The following CCSER1 variants were observed in gnomAD, a reference collection of about 807,000 sequenced individuals.
CCSER1 encodes serine-rich coiled-coil domain-containing protein 1.
In CCSER1, 41 loss-of-function variants were observed where a neutral mutation model predicts 82.0. That is an observed-to-expected ratio of 0.50 (90% confidence interval 0.39 to 0.65). CCSER1 has a LOEUF of 0.65. CCSER1 is among the 30% of genes least tolerant of loss of function. The pLI, the probability that CCSER1 is intolerant of heterozygous loss-of-function variation, is 0.00. For missense variants in CCSER1, 1,119 were observed against 1,064.2 expected (o/e 1.05, Z -0.72); for synonymous variants, 414 against 383.9 (o/e 1.08, Z -0.92).
intron 1 of CCSER1, among the ~76,000 whole-genome samples, chr4:90,284,494 ATT>A (rs34170994): frequency 1.3e-3 from 183 of 137,290 alleles, no homozygotes; most frequent in South Asian, 1.7e-3. Context: ...CTTTGAATTG[ATT>A]TTTTTTTTTT....
intron 9 of CCSER1, among the ~76,000 whole-genome samples, chr4:91,061,194 G>A (rs1205621661): frequency 6.6e-6 from 1 of 151,412 alleles, no homozygotes; most frequent in Non-Finnish European, 1.5e-5. Flanking sequence ...ATATCCTTAG[G>A]GATCATATAG....
intron 6 of CCSER1, among the ~76,000 whole-genome samples, chr4:90,716,214 A>G (rs1047173467): frequency 7.9e-5 from 12 of 152,084 alleles, no homozygotes; most frequent in Non-Finnish European, 1.5e-4. Context: ...GGTAAAAGAA[A>G]GACATTATTT....
chr4:91,561,004 T>C (rs566495783), intron 10 of CCSER1, among the ~76,000 whole-genome samples: 9 of 151,370 alleles, frequency 5.9e-5, no homozygotes, highest in African/African-American at 2.2e-4. Context: ...AGTAAAACTA[T>C]ATGAAAAACC....
At chr4:91,270,640 A>G (rs1383685276) in intron 10 of CCSER1, among the ~76,000 whole-genome samples, 1 of 152,160 alleles carries the variant, frequency 6.6e-6, no homozygotes, top group African/African-American at 2.4e-5. Context: ...TCCTGATTAT[A>G]CAGACTCAGA....
chr4:91,487,163 GA>G (rs1047374765), intron 10 of CCSER1, among the ~76,000 whole-genome samples: 3 of 152,074 alleles, frequency 2.0e-5, no homozygotes, highest in Admixed American at 1.3e-4. Flanking sequence ...GAAAAAGTAG[GA>G]TTTGTTACAT....
At chr4:91,100,184 G>T (rs2148848119) in intron 10 of CCSER1, among the ~76,000 whole-genome samples, 1 of 132,314 alleles carries the variant, frequency 7.6e-6, no homozygotes, top group East Asian at 2.4e-4. Flanking sequence ...AGGAATTTGG[G>T]CAAGATAAAA....
At chr4:90,342,256 T>C (rs937948017) in intron 3 of CCSER1, among the ~76,000 whole-genome samples, 6 of 152,276 alleles carry the variant, frequency 3.9e-5, no homozygotes, top group African/African-American at 1.4e-4. Context: ...GTAACTGACC[T>C]GGGGATCTCA....
rs186303132 is a variant in CCSER1, at chr4:91,338,524, C to G, written c.2217+252530C>G. On this transcript the variant is annotated intron_variant, in intron 10 of 10. Transcript: ENST00000509176. ...AAAATAATTTAATACATGGGTTACA[C>G]AAACAAGTTGACCTGCAAACATTAT... Among the ~76,000 whole-genome samples the G allele has an allele frequency of 9.6e-4, 146 of 152,218 alleles. 2 individuals are homozygous for G. The East Asian group carries it at 0.022, about 23-fold the overall frequency.
At chr4:91,056,676 T>C (rs949597444) in intron 9 of CCSER1, among the ~76,000 whole-genome samples, 29 of 152,196 alleles carry the variant, frequency 1.9e-4, no homozygotes, top group African/African-American at 7.0e-4. Flanking sequence ...GTGAAAACTG[T>C]GCGTCTAAAT....
intron 10 of CCSER1, among the ~76,000 whole-genome samples, chr4:91,482,104 T>TA (rs1757950642): frequency 6.6e-6 from 1 of 151,996 alleles, no homozygotes; most frequent in Admixed American, 6.6e-5. Context: ...TGGTGATCAT[T>TA]AAAAAGTCAG....
chr4:90,770,512 G>A (rs546555097), intron 7 of CCSER1, among the ~76,000 whole-genome samples: 26 of 152,278 alleles, frequency 1.7e-4, no homozygotes, highest in African/African-American at 5.5e-4. Context: ...AAGATTTTAA[G>A]TATCTTAATA....
chr4:90,925,124 A>T (rs1481717733), intron 9 of CCSER1, among the ~76,000 whole-genome samples: 1 of 152,204 alleles, frequency 6.6e-6, no homozygotes, highest in Non-Finnish European at 1.5e-5. Context: ...TAAATCTGCA[A>T]GACAGAGAGT....
At chr4:90,553,098 T>C (rs560162794) in intron 5 of CCSER1, among the ~76,000 whole-genome samples, 6 of 152,154 alleles carry the variant, frequency 3.9e-5, no homozygotes. Context: ...AGGCTGCCAG[T>C]AGCTGAGACT....
intron 10 of CCSER1, among the ~76,000 whole-genome samples, chr4:91,566,740 T>G (rs1036950155): frequency 7.2e-5 from 11 of 152,104 alleles, no homozygotes; most frequent in Non-Finnish European, 1.6e-4. Flanking sequence ...TAACATTTTC[T>G]TTATCATTTC....
At chr4:90,688,860 A>G (rs976075441) in intron 6 of CCSER1, among the ~76,000 whole-genome samples, 1 of 152,156 alleles carries the variant, frequency 6.6e-6, no homozygotes, top group African/African-American at 2.4e-5. Flanking sequence ...TCTCAGTATA[A>G]ATACATATTA....
chr4:90,431,897 G>A (rs1758320072), intron 4 of CCSER1, among the ~76,000 whole-genome samples: 1 of 152,020 alleles, frequency 6.6e-6, no homozygotes. Flanking sequence ...GCTGAATACA[G>A]TTGTTCTCCC....
chr4:91,279,048 C>T lies in CCSER1; in HGVS notation c.2217+193054C>T, dbSNP rs185353250. Among the ~76,000 whole-genome samples, 1,306 of 151,878 alleles carry T rather than the reference C, an allele frequency of 8.6e-3. 8 individuals are homozygous for T. Among genetic ancestry groups the T allele is most frequent in the Non-Finnish European group, 0.01 (693 of 67,948 alleles). On this transcript the variant is annotated intron_variant, in intron 10 of 10. Coordinates refer to ENST00000509176, the MANE Select transcript of CCSER1 (RefSeq NM_001145065.2). ...ATTTGCTGTATAGCATGTCCTTGGC[C>T]GCCAGGTTTATTTTTTTTTTTTTCT...
At chr4:91,389,397 T>A (rs1286314181) in intron 10 of CCSER1, among the ~76,000 whole-genome samples, 8 of 152,044 alleles carry the variant, frequency 5.3e-5, no homozygotes, top group Admixed American at 3.3e-4. Flanking sequence ...TGTATGTGGG[T>A]CTATTTCTGG....
chr4:90,297,706 G>T (rs1161733484), intron 1 of CCSER1, among the ~76,000 whole-genome samples: 10 of 152,038 alleles, frequency 6.6e-5, no homozygotes, highest in African/African-American at 2.4e-4. Flanking sequence ...AGCATGAAGG[G>T]TTGTTGAATT....
Sources: gnomAD v4.1 joint callset for allele counts (sites outside exome capture counted in the v4.1 genomes callset) on GRCh38, gnomAD v4.1.1 for gene constraint, MANE v1.5 for transcripts, NCBI Gene and HGNC (gene_info 2026-07-23, HGNC 2026-07-21) for gene names.